DYNLT5: variants seen among roughly 807,000 people sequenced by gnomAD.
DYNLT5 encodes the protein dynein light chain Tctex-type family member 5.
DYNLT5 carries 25 observed loss-of-function variants against 19.3 expected under a neutral mutation model. That is an observed-to-expected ratio of 1.30 (90% confidence interval 0.95 to 1.81). The LOEUF is 1.81. Among genes scored for constraint, DYNLT5 ranks in the 40% most tolerant of loss-of-function variants. DYNLT5 has a pLI of 0.00. For synonymous variants in DYNLT5, 82 were observed against 68.9 expected (o/e 1.19, Z -0.94); for missense variants, 232 against 217.9 (o/e 1.06, Z -0.41).
At chr1:66,767,902 T>A (rs1469196124) in intron 2 of DYNLT5, among the ~76,000 whole-genome samples, 1 of 152,098 alleles carries the variant, frequency 6.6e-6, no homozygotes, top group Admixed American at 6.6e-5. Context: ...TCCACTTACA[T>A]CTCATTCACT....
At position 66,777,507 on chromosome 1, in the gene DYNLT5, T is replaced by A. The variant is rs1645244028; in HGVS notation, c.*53T>A. ...TTTGAAAATTCTGAGGCAGGCTGTA[T>A]GTCTGTACACAAAAGTTTTACTGCC... On this transcript the variant is annotated 3_prime_UTR_variant, in exon 5 of 5. Coordinates refer to ENST00000282670, the MANE Select transcript of DYNLT5 (RefSeq NM_152665.3). 2 of 1,530,148 alleles carry A rather than the reference T, an allele frequency of 1.3e-6. No homozygotes were observed. The highest frequency in any genetic ancestry group is 1.4e-5 in the African/African-American group (1 of 72,510). The allele number at this position is 1,530,148 out of a possible 1,614,324, so 94.8% of individuals were successfully genotyped here.
At chr1:66,775,813 TG>T (rs1222945873) in intron 3 of DYNLT5, among the ~76,000 whole-genome samples, 4 of 152,108 alleles carry the variant, frequency 2.6e-5, no homozygotes, top group Non-Finnish European at 5.9e-5. Context: ...TATAGACAGA[TG>T]GAGCCTGTGA....
At position 66,777,445 on chromosome 1, in the gene DYNLT5, C is replaced by A. The variant is rs1431432910; in HGVS notation, c.531C>A (p.Tyr177Ter). The change falls in exon 5 of 5, where the codon TAC becomes TAA. Residue 177 changes from tyrosine to a stop codon, truncating the protein, a stop_gained. Transcript: ENST00000282670. LOFTEE classifies it high-confidence loss of function. ...CTCTTGCAAATGTCTATGCAGTTTA[C>A]CTTGAGTGATTGAAAATAAGAAATC... ...LFALANVYAV[Y>*]LE 1 of 1,611,940 alleles carries A rather than the reference C, an allele frequency of 6.2e-7. No individual in the cohort carries two copies. The highest frequency in any genetic ancestry group is 8.5e-7 in the Non-Finnish European group (1 of 1,178,840).
intron 3 of DYNLT5, among the ~76,000 whole-genome samples, chr1:66,772,436 C>A (rs1645209262): frequency 6.6e-6 from 1 of 152,232 alleles, no homozygotes; most frequent in Non-Finnish European, 1.5e-5. Flanking sequence ...CCAAGCCATT[C>A]ATGAGGGATC....
chr1:66,775,775 A>G (rs1441385229), intron 3 of DYNLT5, among the ~76,000 whole-genome samples: 1 of 152,220 alleles, frequency 6.6e-6, no homozygotes, highest in African/African-American at 2.4e-5. Context: ...AAAACTAAAG[A>G]GCAAGAGTAA....
chr1:66,776,652 C>T (rs955737950), intron 4 of DYNLT5, among the ~76,000 whole-genome samples: 2 of 151,868 alleles, frequency 1.3e-5, no homozygotes, highest in African/African-American at 4.8e-5. Flanking sequence ...TATAAAACTG[C>T]CCCATTTATA....
intron 2 of DYNLT5, among the ~76,000 whole-genome samples, chr1:66,766,179 A>G (rs763259052): frequency 6.6e-6 from 1 of 152,220 alleles, no homozygotes; most frequent in Non-Finnish European, 1.5e-5. Flanking sequence ...AATGCCAGCA[A>G]GCTGGTAAAA....
At chr1:66,754,462 T>C (rs1032919462) in intron 1 of DYNLT5, among the ~76,000 whole-genome samples, 194 bp from the exon 2 acceptor site, 6 of 152,242 alleles carry the variant, frequency 3.9e-5, no homozygotes, top group African/African-American at 1.4e-4. Context: ...ATAAGCATTT[T>C]CAGAGTTATC....
intron 3 of DYNLT5, among the ~76,000 whole-genome samples, chr1:66,773,821 T>TTTTCTCCTA (rs1017041646): frequency 6.6e-6 from 1 of 152,024 alleles, no homozygotes; most frequent in Non-Finnish European, 1.5e-5. Flanking sequence ...AAAACACGTT[T>TTTTCTCCTA]TTTCTCCTAA....
At position 66,752,523 on chromosome 1, in the gene DYNLT5, C is replaced by G. The variant is rs752315100; in HGVS notation, c.-65C>G. ...GAAGCCTGGGACGCGGGAGCCGCGC[C>G]GCGCGCAGTGTCTGCAGTGCCGGAG... On this transcript the variant is annotated 5_prime_UTR_variant, in exon 1 of 5. Coordinates refer to ENST00000282670, the MANE Select transcript of DYNLT5 (RefSeq NM_152665.3). 1.5e-5 allele frequency: 15 copies of G among 985,458 alleles called. No individual in the cohort carries two copies. Among genetic ancestry groups the G allele is most frequent in the Admixed American group, 6.1e-5 (1 of 16,276 alleles). 61.0% of individuals were successfully genotyped at this position (985,458 alleles called of 1,614,324 possible).
At chr1:66,770,736 C>T in intron 3 of DYNLT5, 2 of 525,440 alleles carry the variant, frequency 3.8e-6, no homozygotes, top group Non-Finnish European at 6.9e-6. Flanking sequence ...CAGTATACTA[C>T]TGACTTAACA....
chr1:66,753,305 G>T (rs6660611), intron 1 of DYNLT5, among the ~76,000 whole-genome samples: 2,257 of 152,250 alleles, frequency 0.015, 60 homozygotes, highest in African/African-American at 0.051. Flanking sequence ...TTATGCTTTG[G>T]TGTCTAGCAC....
chr1:66,754,654 A>G lies in DYNLT5; in HGVS notation c.-3-2A>G. On this transcript the variant is annotated splice_acceptor_variant, in intron 1 of 4. Transcript: ENST00000282670. LOFTEE classifies it low-confidence loss of function (5UTR_SPLICE). ...CTATTTTACAAAAGTCTTCTTCCATAGGTTATGATGATGTCAGACAATGCT... is the reference window on the plus strand; with the variant it reads ...CTATTTTACAAAAGTCTTCTTCCATGGGTTATGATGATGTCAGACAATGCT... 6.3e-7 allele frequency: 1 copy of G among 1,597,504 alleles called. No individual in the cohort carries two copies. Among genetic ancestry groups the G allele is most frequent in the Non-Finnish European group, 8.5e-7 (1 of 1,174,558 alleles).
chr1:66,768,151 A>G (rs779008003), intron 2 of DYNLT5, among the ~76,000 whole-genome samples: 1 of 152,246 alleles, frequency 6.6e-6, no homozygotes, highest in Non-Finnish European at 1.5e-5. Flanking sequence ...CAGAATGTGT[A>G]TGTATTAAGT....
intron 2 of DYNLT5, among the ~76,000 whole-genome samples, chr1:66,756,042 C>T (rs2094635479): frequency 6.6e-6 from 1 of 152,028 alleles, no homozygotes; most frequent in South Asian, 2.1e-4. Context: ...ACAAATTTGT[C>T]ATATAGAATC....
rs774493715 is a variant in DYNLT5, at chr1:66,770,427, C to T, written c.160C>T (p.Arg54Cys). 2.1e-5 allele frequency: 34 copies of T among 1,613,458 alleles called. No homozygotes were observed. The highest frequency in any genetic ancestry group is 3.3e-5 in the South Asian group (3 of 91,056). The change falls in exon 3 of 5, where the codon CGT becomes TGT. Residue 54 changes from arginine (R) to cysteine (C), a missense_variant. Transcript: ENST00000282670. ...GTCTTATATGGAAGAACCCAGTCAG[C>T]GTGATGATATCTCTCGCCTTACAGT... ...TVSYMEEPSQ[R>C]DDISRLTVQM... is the part of the protein sequence containing the mutation.
chr1:66,752,673 T>C, intron 1 of DYNLT5, 89 bp downstream of exon 1: 2 of 819,328 alleles, frequency 2.4e-6, no homozygotes, highest in Non-Finnish European at 3.0e-6. Flanking sequence ...ATGGCCCTAC[T>C]TGGCCCCGAT....
chr1:66,760,521 C>T (rs972300671), intron 2 of DYNLT5, among the ~76,000 whole-genome samples: 6 of 152,200 alleles, frequency 3.9e-5, no homozygotes, highest in Non-Finnish European at 8.8e-5. Context: ...GATGCATTTA[C>T]AGCAAATAGA....
Position 66,777,338 on chromosome 1 carries a change from A to G in DYNLT5, c.424A>G (p.Ile142Val), listed in dbSNP as rs1645242516. The G allele has an allele frequency of 1.2e-6, 2 of 1,613,970 alleles. No homozygotes were observed. The highest frequency in any genetic ancestry group is 2.2e-5 in the East Asian group (1 of 44,860). The stretch of plus-strand genomic sequence containing the variant: ...CATTGGACAACTGAACAGGCAGAGC[A>G]TACTTATTGGAAGCAGATGCCTCTG... ...VHIGQLNRQS[I>V]LIGSRCLWDP... Residue 142 changes from isoleucine to valine, a missense_variant, in exon 5 of 5, where the codon ATA (isoleucine) becomes GTA (valine). Transcript: ENST00000282670.
Sources: gnomAD v4.1 joint callset for allele counts (sites outside exome capture counted in the v4.1 genomes callset) on GRCh38, gnomAD v4.1.1 for gene constraint, MANE v1.5 for transcripts, NCBI Gene and HGNC (gene_info 2026-07-23, HGNC 2026-07-21) for gene names.